Variants in FAF1 observed in about 807,000 individuals in gnomAD.
FAF1 encodes Fas associated factor 1.
A neutral mutation model predicts 92.5 loss-of-function variants in FAF1; 25 were observed. That is an observed-to-expected ratio of 0.27 (90% CI 0.20 to 0.38). The LOEUF is 0.38. Ranked by LOEUF, FAF1 falls within the 10% of genes least tolerant of loss-of-function variation. The probability of loss-of-function intolerance (pLI) is 1.00; values close to 1 mark genes in which losing one functional copy is unlikely to be tolerated. For missense variants in FAF1, 636 were observed against 793.3 expected (o/e 0.80, Z 2.38); for synonymous variants, 234 against 273.2 (o/e 0.86, Z 1.42).
chr1:50,712,692 T>C (rs1226968210), intron 6 of FAF1, among the ~76,000 whole-genome samples: 1 of 152,092 alleles, frequency 6.6e-6, no homozygotes, highest in African/African-American at 2.4e-5. Context: ...CTGTGTAATT[T>C]GCAAAGACAT....
At chr1:50,477,787 C>T (rs768049374) in intron 17 of FAF1, among the ~76,000 whole-genome samples, 1 of 152,214 alleles carries the variant, frequency 6.6e-6, no homozygotes, top group African/African-American at 2.4e-5. Flanking sequence ...GCATGTATTA[C>T]TTCTCATTCC....
chr1:50,560,473 T>TACA (rs1396564461), intron 13 of FAF1, among the ~76,000 whole-genome samples: 1 of 152,234 alleles, frequency 6.6e-6, no homozygotes, highest in Admixed American at 6.5e-5. Flanking sequence ...CAAAATTTAA[T>TACA]ACAATGCTAT....
Position 50,440,978 on chromosome 1 carries a change from A to C in FAF1, c.*462T>G, listed in dbSNP as rs1190470880. On this transcript the variant is annotated 3_prime_UTR_variant, in exon 19 of 19. Transcript: ENST00000396153. ...CTCCATGCCGACAATGTCTCATTTG[A>C]CTTTTTTTCCCTCTGCCCCTTAAAA... 1 of 153,196 alleles carries C rather than the reference A, an allele frequency of 6.5e-6. No individual in the cohort carries two copies. The highest frequency in any genetic ancestry group is 1.5e-5 in the Non-Finnish European group (1 of 68,784). 9.5% of individuals were successfully genotyped at this position (153,196 alleles called of 1,614,324 possible).
intron 15 of FAF1, among the ~76,000 whole-genome samples, chr1:50,529,399 A>G (rs1176583813): frequency 6.6e-6 from 1 of 152,216 alleles, no homozygotes; most frequent in Non-Finnish European, 1.5e-5. Flanking sequence ...ATCAATCCTT[A>G]TTATCTATTA....
intron 1 of FAF1, among the ~76,000 whole-genome samples, chr1:50,927,223 TTAAAATGGC>T (rs1645012990): frequency 6.6e-6 from 1 of 152,160 alleles, no homozygotes; most frequent in African/African-American, 2.4e-5. Flanking sequence ...AACTGTATGT[TTAAAATGGC>T]AAAAAGGGTA....
At chr1:50,941,287 G>A (rs999035650) in intron 1 of FAF1, among the ~76,000 whole-genome samples, 21 of 152,146 alleles carry the variant, frequency 1.4e-4, no homozygotes, top group African/African-American at 4.6e-4. Flanking sequence ...TCAGCTGACT[G>A]CAACCTCCGC....
chr1:50,526,292 T>C lies in FAF1; in HGVS notation c.1494+9077A>G, dbSNP rs80149404. ...GCCACCGTGCCTGGCCAAAACAATTTTAAAATTATTTATTATTTCTAGGCT... is the reference window on the plus strand; with the variant it reads ...GCCACCGTGCCTGGCCAAAACAATTCTAAAATTATTTATTATTTCTAGGCT... On this transcript the variant is annotated intron_variant, in intron 15 of 18. Transcript: ENST00000396153. Among the ~76,000 whole-genome samples the C allele has an allele frequency of 5.5e-3, 836 of 151,960 alleles. 6 individuals carry two copies. Among genetic ancestry groups the C allele is most frequent in the African/African-American group, 0.019 (800 of 41,512 alleles).
At chr1:50,744,540 C>A in intron 5 of FAF1, 144 bp downstream of exon 5, 1 of 610,528 alleles carries the variant, frequency 1.6e-6, no homozygotes. Flanking sequence ...GAAAACACTA[C>A]TTGCTGATTC....
At chr1:50,785,132 C>CAAAAAAAA (rs748061344) in intron 4 of FAF1, among the ~76,000 whole-genome samples, 4 of 59,112 alleles carry the variant, frequency 6.8e-5, no homozygotes, top group East Asian at 6.0e-4. Flanking sequence ...GACCCTATCT[C>CAAAAAAAA]AAAAAAAAAA....
At chr1:50,829,619 C>A (rs1039979542) in intron 2 of FAF1, among the ~76,000 whole-genome samples, 3 of 152,194 alleles carry the variant, frequency 2.0e-5, no homozygotes, top group African/African-American at 7.2e-5. Flanking sequence ...AGGTAACACC[C>A]CTTCCCAAAA....
chr1:50,791,870 T>C (rs1049461344), intron 3 of FAF1, among the ~76,000 whole-genome samples: 3 of 152,216 alleles, frequency 2.0e-5, no homozygotes, highest in African/African-American at 7.2e-5. Context: ...TGGATCCTGA[T>C]ACAGTGAAGA....
intron 15 of FAF1, among the ~76,000 whole-genome samples, chr1:50,532,559 A>G (rs1648233132): frequency 2.6e-5 from 4 of 152,200 alleles, no homozygotes; most frequent in Admixed American, 2.6e-4. Flanking sequence ...GTACTTCATT[A>G]TTTCAAAATG....
Position 50,676,736 on chromosome 1 carries a change from C to T in FAF1, c.658-21208G>A, listed in dbSNP as rs975135910. Among the ~76,000 whole-genome samples, 21 of 151,334 alleles carry T rather than the reference C, an allele frequency of 1.4e-4. 1 individual carries two copies. The highest frequency in any genetic ancestry group is 8.6e-4 in the Admixed American group (13 of 15,186). On this transcript the variant is annotated intron_variant, in intron 7 of 18. Coordinates refer to ENST00000396153, the MANE Select transcript of FAF1 (RefSeq NM_007051.3). ...ACTCGGGAGGCTGAGGCAGGAGAAT[C>T]GCTTGAAACCAGGAAGAGGAGGTTG...
At chr1:50,606,313 C>T (rs1652395443) in intron 8 of FAF1, among the ~76,000 whole-genome samples, 1 of 151,980 alleles carries the variant, frequency 6.6e-6, no homozygotes. Context: ...TCAGTCTTTT[C>T]CATACCAAAG....
At chr1:50,816,508 C>A (rs191365442) in intron 2 of FAF1, among the ~76,000 whole-genome samples, 3 of 152,064 alleles carry the variant, frequency 2.0e-5, no homozygotes, top group Admixed American at 1.3e-4. Flanking sequence ...CTGGCTTTTG[C>A]CCACTTTTTA....
At chr1:50,635,778 C>T (rs570944854) in intron 8 of FAF1, among the ~76,000 whole-genome samples, 1 of 152,254 alleles carries the variant, frequency 6.6e-6, no homozygotes, top group South Asian at 2.1e-4. Context: ...TCATGCCTGG[C>T]CTTTGCCATT....
rs1325902360 is a variant in FAF1 at position 50,440,912 on chromosome 1, T to G, written c.*528A>C. 1 of 152,256 alleles carries G rather than the reference T, an allele frequency of 6.6e-6. No homozygotes were observed. Among genetic ancestry groups the G allele is most frequent in the Non-Finnish European group, 1.5e-5 (1 of 68,070 alleles). The allele number at this position is 152,256 out of a possible 1,614,324, so 9.4% of individuals were successfully genotyped here. On this transcript the variant is annotated 3_prime_UTR_variant, in exon 19 of 19. Coordinates refer to ENST00000396153, the MANE Select transcript of FAF1 (RefSeq NM_007051.3). ...ACATCTTAGTAAAGCCATCAGAAAGTTCTAACAAAAATGGTATACTTTTTT... is the reference window on the plus strand; with the variant it reads ...ACATCTTAGTAAAGCCATCAGAAAGGTCTAACAAAAATGGTATACTTTTTT...
At chr1:50,894,144 T>A (rs1031326935) in intron 1 of FAF1, among the ~76,000 whole-genome samples, 1 of 151,360 alleles carries the variant, frequency 6.6e-6, no homozygotes, top group African/African-American at 2.4e-5. Context: ...ACTAAAAATA[T>A]AAAAATTAGC....
intron 1 of FAF1, among the ~76,000 whole-genome samples, chr1:50,898,551 A>G (rs1182044053): frequency 6.6e-6 from 1 of 152,214 alleles, no homozygotes; most frequent in Non-Finnish European, 1.5e-5. Flanking sequence ...AAATATAGAC[A>G]CATTTACTTC....
Sources: gnomAD v4.1 joint callset for allele counts (sites outside exome capture counted in the v4.1 genomes callset) on GRCh38, gnomAD v4.1.1 for gene constraint, MANE v1.5 for transcripts, NCBI Gene and HGNC (gene_info 2026-07-23, HGNC 2026-07-21) for gene names.